BTBD8: variants seen among roughly 807,000 people sequenced by gnomAD.
BTBD8 encodes BTB/POZ domain-containing protein 8.
A neutral mutation model predicts 162.9 loss-of-function variants in BTBD8; 110 were observed. The ratio of observed to expected loss-of-function variants is 0.68; its 90% CI spans 0.58 to 0.79. BTBD8 has a LOEUF of 0.79. Among genes scored for constraint, BTBD8 ranks in the 30% least tolerant of loss-of-function variants. The pLI is 0.00. For synonymous variants in BTBD8, 667 were observed against 716.1 expected, an observed-to-expected ratio of 0.93 and a Z score of 1.10; for missense variants, 1,905 against 2,085.4, an observed-to-expected ratio of 0.91 and a Z score of 1.68.
intron 3 of BTBD8, among the ~76,000 whole-genome samples, chr1:92,105,671 C>T (rs556736611): frequency 2.0e-5 from 3 of 152,268 alleles, no homozygotes; most frequent in East Asian, 1.9e-4. Flanking sequence ...GGCAAGGTTA[C>T]GATAAACAGT....
rs1244877279 is a variant in BTBD8 at position 92,129,739 on chromosome 1, T to C, written c.715T>C (p.Trp239Arg). Residue 239 changes from tryptophan to arginine, a missense_variant, in exon 5 of 18, where the codon TGG becomes CGG. By Grantham distance (101) the Trp-to-Arg change is moderately radical. Transcript: ENST00000636805. ...SYFAAMLSGC[W>R]AESSQEYVTL... is the part of the protein sequence containing the mutation. Reference sequence around the variant, plus strand: ...TTTTGCTGCAATGCTGAGTGGCTGTTGGGCTGAAAGCTCCCAAGAGTACGT... The same window carrying C: ...TTTTGCTGCAATGCTGAGTGGCTGTCGGGCTGAAAGCTCCCAAGAGTACGT... 1 of 1,614,048 alleles carries C rather than the reference T, an allele frequency of 6.2e-7. No homozygotes were observed. Among genetic ancestry groups the C allele is most frequent in the African/African-American group, 1.3e-5 (1 of 74,922 alleles).
At chr1:92,104,458 C>T (rs549321010) in intron 3 of BTBD8, among the ~76,000 whole-genome samples, 26 of 152,282 alleles carry the variant, frequency 1.7e-4, no homozygotes, top group African/African-American at 6.0e-4. Flanking sequence ...CTCTAAGACT[C>T]AGAGAGCATA....
At chr1:92,157,777 G>A (rs1650193290) in intron 9 of BTBD8, among the ~76,000 whole-genome samples, 1 of 152,108 alleles carries the variant, frequency 6.6e-6, no homozygotes, top group Non-Finnish European at 1.5e-5. Flanking sequence ...GAGTTTCTGG[G>A]ATTACAGGCA....
chr1:92,118,316 T>A (rs1649100033), intron 4 of BTBD8, among the ~76,000 whole-genome samples: 1 of 148,814 alleles, frequency 6.7e-6, no homozygotes, highest in Non-Finnish European at 1.5e-5. Context: ...GACATTCCAG[T>A]TTGAGGAGTA....
At chr1:92,166,386 T>C (rs1303564697) in intron 9 of BTBD8, among the ~76,000 whole-genome samples, 2 of 151,908 alleles carry the variant, frequency 1.3e-5, no homozygotes. Flanking sequence ...TATTATCACT[T>C]TGCTATCAGG....
chr1:92,120,631 A>G (rs909250868), intron 4 of BTBD8, among the ~76,000 whole-genome samples: 4 of 152,198 alleles, frequency 2.6e-5, no homozygotes, highest in Non-Finnish European at 5.9e-5. Flanking sequence ...CATGTGAGTA[A>G]TGCTTTGCAC....
chr1:92,086,447 A>G (rs1464798139), intron 1 of BTBD8, among the ~76,000 whole-genome samples: 1 of 152,158 alleles, frequency 6.6e-6, no homozygotes, highest in Non-Finnish European at 1.5e-5. Flanking sequence ...CCAGGGGAAC[A>G]TGGCAAAATC....
chr1:92,148,253 G>C (rs1649971539), intron 9 of BTBD8, among the ~76,000 whole-genome samples: 1 of 152,130 alleles, frequency 6.6e-6, no homozygotes, highest in African/African-American at 2.4e-5. Flanking sequence ...ATAGTGATTT[G>C]CCTCCCTTGC....
chr1:92,123,447 G>A (rs896406695), intron 4 of BTBD8, among the ~76,000 whole-genome samples: 1 of 152,114 alleles, frequency 6.6e-6, no homozygotes, highest in African/African-American at 2.4e-5. Flanking sequence ...CATATTAACA[G>A]TTTCAAGTTT....
At position 92,080,733 on chromosome 1, in the gene BTBD8, G is replaced by A. The variant is rs1050860838; in HGVS notation, c.149+13G>A. 2.5e-6 allele frequency: 4 copies of A among 1,603,638 alleles called. No homozygotes were observed. The highest frequency in any genetic ancestry group is 2.7e-5 in the African/African-American group (2 of 74,806). On this transcript the variant is annotated intron_variant, in intron 1 of 17. Coordinates refer to ENST00000636805, the MANE Select transcript of BTBD8 (RefSeq NM_001376131.1). Reference sequence around the variant, plus strand: ...AGGATTTGCTCAGGTAGGAGGAGGCGGGAACTCTGGCTGCTTCAGTTCCTA... The same window carrying A: ...AGGATTTGCTCAGGTAGGAGGAGGCAGGAACTCTGGCTGCTTCAGTTCCTA...
Position 92,177,126 on chromosome 1 carries a change from G to A in BTBD8, c.1933G>A (p.Gly645Ser), listed in dbSNP as rs779357054. The A allele has an allele frequency of 2.6e-6, 4 of 1,551,544 alleles. No individual in the cohort carries two copies. The highest frequency in any genetic ancestry group is 1.2e-5 in the South Asian group (1 of 84,062). ...TGTAACAAAATCCAAAACAGAAAAT[G>A]GTGATAAGGCACGGTTGGAAAACAT... The part of the protein sequence containing the change: ...KTVTKSKTEN[G>S]DKARLENMSP... Residue 645 changes from glycine (G) to serine (S), a missense_variant, in exon 14 of 18, where the codon GGT becomes AGT. Gly to Ser is a moderately conservative substitution (Grantham distance 56). Transcript: ENST00000636805.
intron 4 of BTBD8, among the ~76,000 whole-genome samples, chr1:92,122,401 G>C (rs1399790306): frequency 6.6e-6 from 1 of 151,906 alleles, no homozygotes; most frequent in South Asian, 2.1e-4. Flanking sequence ...TGGGACTACA[G>C]GTTTGTGCCA....
intron 13 of BTBD8, among the ~76,000 whole-genome samples, chr1:92,173,571 C>T (rs1191205257): frequency 2.0e-5 from 3 of 152,174 alleles, no homozygotes; most frequent in African/African-American, 7.2e-5. Context: ...TATTTTTCCT[C>T]ATCCTCCTGA....
intron 2 of BTBD8, among the ~76,000 whole-genome samples, chr1:92,096,712 A>G (rs1648462066): frequency 6.6e-6 from 1 of 151,710 alleles, no homozygotes; most frequent in Non-Finnish European, 1.5e-5. Context: ...TAATTTTTCT[A>G]TTTTTTATAG....
At chr1:92,112,869 A>T (rs866366531) in intron 4 of BTBD8, among the ~76,000 whole-genome samples, 2 of 152,350 alleles carry the variant, frequency 1.3e-5, no homozygotes, top group Middle Eastern at 3.4e-3. Flanking sequence ...CAAATAAATA[A>T]ATAAATACAT....
chr1:92,084,592 A>G (rs1186611652), intron 1 of BTBD8, among the ~76,000 whole-genome samples: 1 of 152,218 alleles, frequency 6.6e-6, no homozygotes, highest in African/African-American at 2.4e-5. Context: ...AAGGGTTTGC[A>G]GTTTTCCTGC....
At chr1:92,129,835 A>G (rs1241408032) in intron 5 of BTBD8, 59 bp downstream of exon 5, 3 of 1,413,262 alleles carry the variant, frequency 2.1e-6, no homozygotes, top group Non-Finnish European at 2.0e-6. Context: ...TATTTCATAC[A>G]AAGCACTTTT....
chr1:92,178,433 A>C lies in BTBD8; in HGVS notation c.2563A>C (p.Asn855His). ...GCAGAGGACAAAGAGTACCCCATCT[A>C]ATCTTACTAAAACTCAAGGTAAAGC... ...AQQRTKSTPS[N>H]LTKTQGSQGE... The change falls in exon 16 of 18, where the codon AAT becomes CAT. Residue 855 changes from asparagine (N) to histidine (H), a missense_variant. By Grantham distance (68) the Asn-to-His change is moderately conservative. Transcript: ENST00000636805. 1 of 1,548,886 alleles carries C rather than the reference A, an allele frequency of 6.5e-7. No homozygotes were observed. Among genetic ancestry groups the C allele is most frequent in the Non-Finnish European group, 8.7e-7 (1 of 1,145,960 alleles).
At chr1:92,132,772 G>A (rs1333828819) in intron 5 of BTBD8, among the ~76,000 whole-genome samples, 1 of 152,082 alleles carries the variant, frequency 6.6e-6, no homozygotes, top group East Asian at 1.9e-4. Flanking sequence ...TAACAGTGGA[G>A]GCTCACCTCT....
Sources: gnomAD v4.1 joint callset for allele counts (sites outside exome capture counted in the v4.1 genomes callset) on GRCh38, gnomAD v4.1.1 for gene constraint, MANE v1.5 for transcripts, NCBI Gene and HGNC (gene_info 2026-07-23, HGNC 2026-07-21) for gene names.